FRMD5: variants seen among roughly 807,000 people sequenced by gnomAD.
FRMD5 encodes the protein FERM domain containing 5.
Under a neutral mutation model 69.0 loss-of-function variants are expected in FRMD5, and 20 were observed. The ratio of observed to expected loss-of-function variants is 0.29; its 90% CI spans 0.20 to 0.42. The LOEUF (loss-of-function observed/expected upper bound fraction) is 0.42. FRMD5 is among the 10% of genes least tolerant of loss of function. The pLI, the probability that FRMD5 is intolerant of heterozygous loss-of-function variation, is 1.00. For synonymous variants in FRMD5, 271 were observed against 260.1 expected, an observed-to-expected ratio of 1.04 and a Z score of -0.40; for missense variants, 595 against 708.6, an observed-to-expected ratio of 0.84 and a Z score of 1.82.
intron 1 of FRMD5, among the ~76,000 whole-genome samples, chr15:44,103,731 A>C (rs992415709): frequency 7.9e-5 from 12 of 151,480 alleles, no homozygotes; most frequent in African/African-American, 2.7e-4. Flanking sequence ...GAAAACCATT[A>C]ATCTACTTTC....
At chr15:44,162,865 C>T (rs2077641786) in intron 1 of FRMD5, among the ~76,000 whole-genome samples, 1 of 102,642 alleles carries the variant, frequency 9.7e-6, no homozygotes, top group East Asian at 3.2e-4. Context: ...GAAACTCCGT[C>T]TCAAAAAAAA....
chr15:43,961,842 C>T (rs1291093035), intron 1 of FRMD5, among the ~76,000 whole-genome samples: 1 of 152,092 alleles, frequency 6.6e-6, no homozygotes, highest in Admixed American at 6.6e-5. Flanking sequence ...AGGCCTTTGA[C>T]AAAATTCAAC....
chr15:44,166,571 G>T (rs1595546175), intron 1 of FRMD5, among the ~76,000 whole-genome samples: 1 of 151,918 alleles, frequency 6.6e-6, no homozygotes, highest in South Asian at 2.1e-4. Flanking sequence ...GATCACTTGA[G>T]GTCAGGAGTT....
chr15:44,180,564 C>T (rs1289772894), intron 1 of FRMD5, among the ~76,000 whole-genome samples: 1 of 152,180 alleles, frequency 6.6e-6, no homozygotes, highest in Non-Finnish European at 1.5e-5. Flanking sequence ...ATGGGCGGAT[C>T]ACTTGAGGTC....
chr15:44,043,761 T>C (rs1181751324), intron 1 of FRMD5, among the ~76,000 whole-genome samples: 2 of 152,144 alleles, frequency 1.3e-5, no homozygotes, highest in Non-Finnish European at 2.9e-5. Context: ...TTACACCTTA[T>C]ACAAAAATTA....
intron 7 of FRMD5, among the ~76,000 whole-genome samples, chr15:43,896,043 CTCTT>C (rs2088903497): frequency 6.6e-6 from 1 of 152,178 alleles, no homozygotes; most frequent in Admixed American, 6.5e-5. Context: ...AAGCTGGATT[CTCTT>C]TCTTCTCTGT....
At chr15:43,938,874 T>C (rs931570537) in intron 1 of FRMD5, among the ~76,000 whole-genome samples, 1 of 152,186 alleles carries the variant, frequency 6.6e-6, no homozygotes, top group Non-Finnish European at 1.5e-5. Context: ...AATTAATTTA[T>C]TTTTGGAGAC....
intron 1 of FRMD5, among the ~76,000 whole-genome samples, chr15:43,978,592 C>T (rs1487948456): frequency 6.6e-6 from 1 of 152,152 alleles, no homozygotes; most frequent in Non-Finnish European, 1.5e-5. Flanking sequence ...AAAAGATTCA[C>T]CCAGGCTGGA....
At chr15:44,125,313 T>C (rs1173360615) in intron 1 of FRMD5, among the ~76,000 whole-genome samples, 1 of 151,880 alleles carries the variant, frequency 6.6e-6, no homozygotes, top group African/African-American at 2.4e-5. Flanking sequence ...TTAATAATAA[T>C]AATAATAATA....
At chr15:44,020,332 AG>A (rs1319627684) in intron 1 of FRMD5, among the ~76,000 whole-genome samples, 1 of 152,152 alleles carries the variant, frequency 6.6e-6, no homozygotes, top group Non-Finnish European at 1.5e-5. Flanking sequence ...GTAGCAGCAT[AG>A]GTCTGTTGTC....
intron 1 of FRMD5, among the ~76,000 whole-genome samples, chr15:44,021,662 T>C (rs2140252777): frequency 6.6e-6 from 1 of 152,270 alleles, no homozygotes; most frequent in South Asian, 2.1e-4. Context: ...GAATAACAAA[T>C]GTTGCTGAAG....
chr15:44,090,632 G>A (rs940429566), intron 1 of FRMD5, among the ~76,000 whole-genome samples: 1 of 151,912 alleles, frequency 6.6e-6, no homozygotes, highest in Non-Finnish European at 1.5e-5. Context: ...TAGAGATGGG[G>A]TTTTACTGTA....
intron 1 of FRMD5, among the ~76,000 whole-genome samples, chr15:44,129,771 C>T (rs2077073050): frequency 1.3e-5 from 2 of 152,216 alleles, no homozygotes; most frequent in South Asian, 4.1e-4. Context: ...GCCTTTTCCT[C>T]TCCAATTTTC....
chr15:43,990,155 G>A (rs987696069), intron 1 of FRMD5: 26 of 580,506 alleles, frequency 4.5e-5, no homozygotes, highest in Non-Finnish European at 7.6e-5. Context: ...AGCCATTGTC[G>A]ACGACAAGCA....
rs147414244 is a variant in FRMD5, at chr15:43,904,739, A to C, written c.551+1089T>G. Among the ~76,000 whole-genome samples the C allele has an allele frequency of 1.1e-4, 17 of 152,292 alleles. No individual in the cohort carries two copies. In the East Asian group the frequency reaches 3.3e-3, roughly 29 times the overall value. On this transcript the variant is annotated intron_variant, in intron 6 of 13. Coordinates refer to ENST00000417257, the MANE Select transcript of FRMD5 (RefSeq NM_032892.5). ...GTCAGTTTGGGGAATCTGTGCCGTA[A>C]CCAAATGGAGCCCAAACACCCTATT...
At chr15:44,106,136 G>A (rs1190479995) in intron 1 of FRMD5, among the ~76,000 whole-genome samples, 3 of 151,856 alleles carry the variant, frequency 2.0e-5, no homozygotes, top group Non-Finnish European at 4.4e-5. Context: ...TAAAAAGTAC[G>A]GTTACATTCT....
intron 1 of FRMD5, among the ~76,000 whole-genome samples, chr15:43,957,522 T>C (rs2140529154): frequency 6.6e-6 from 1 of 152,372 alleles, no homozygotes; most frequent in South Asian, 2.1e-4. Context: ...GTTAGTTAGG[T>C]GGCTAGAAAA....
At chr15:44,153,292 T>C (rs905793732) in intron 1 of FRMD5, among the ~76,000 whole-genome samples, 39 of 152,188 alleles carry the variant, frequency 2.6e-4, no homozygotes, top group African/African-American at 9.4e-4. Flanking sequence ...TTATTCACAA[T>C]AGCTAAAATG....
chr15:43,987,501 G>T (rs922891223), intron 1 of FRMD5, among the ~76,000 whole-genome samples: 4 of 152,146 alleles, frequency 2.6e-5, no homozygotes, highest in African/African-American at 9.7e-5. Flanking sequence ...GGTTGCAGGG[G>T]GTTTCGGGAT....
Sources: allele counts gnomAD v4.1 joint callset (sites outside exome capture counted in the v4.1 genomes callset), GRCh38; gene constraint gnomAD v4.1.1; transcripts MANE v1.5; gene names NCBI Gene and HGNC (gene_info 2026-07-23, HGNC 2026-07-21).